DOCK2: variants seen among roughly 807,000 people sequenced by gnomAD.
DOCK2 encodes dedicator of cytokinesis 2, also known as dedicator of cytokinesis protein 2.
In DOCK2, 87 loss-of-function variants were observed where a neutral mutation model predicts 248.9. The ratio of observed to expected loss-of-function variants is 0.35; its 90% CI spans 0.29 to 0.42. DOCK2 has a LOEUF of 0.42. Among genes scored for constraint, DOCK2 ranks in the 10% least tolerant of loss-of-function variants. DOCK2 has a pLI of 1.00. For synonymous variants in DOCK2, 805 were observed against 821.6 expected (o/e 0.98, Z 0.35); for missense variants, 1,747 against 2,300.2 (o/e 0.76, Z 4.92).
rs552599830 is a variant in DOCK2 at position 169,795,415 on chromosome 5, G to A, written c.2555-7643G>A. Among the ~76,000 whole-genome samples, 12 of 152,282 alleles carry A rather than the reference G, an allele frequency of 7.9e-5. 1 individual carries two copies. Among genetic ancestry groups the A allele is most frequent in the South Asian group, 4.2e-4 (2 of 4,818 alleles). On this transcript the variant is annotated intron_variant, in intron 25 of 51. Coordinates refer to ENST00000520908, the MANE Select transcript of DOCK2 (RefSeq NM_004946.3). ...ATAAAGTGGAGACGTAGATGGCGCC[G>A]GAGGCTCGCCAGAGGGCTGCAGGTG...
At chr5:169,883,859 T>C in intron 27 of DOCK2, 2 of 1,529,840 alleles carry the variant, frequency 1.3e-6, no homozygotes, top group Non-Finnish European at 1.8e-6. Context: ...CTGTTACGCT[T>C]TAGAAGCACA....
intron 26 of DOCK2, among the ~76,000 whole-genome samples, chr5:169,834,063 A>G (rs1218834687): frequency 6.7e-6 from 1 of 149,490 alleles, no homozygotes; most frequent in Non-Finnish European, 1.5e-5. Context: ...TAAATGTCCC[A>G]ACCAGATCAC....
chr5:169,990,571 T>G (rs1008195898), intron 29 of DOCK2, among the ~76,000 whole-genome samples: 1 of 152,242 alleles, frequency 6.6e-6, no homozygotes, highest in African/African-American at 2.4e-5. Flanking sequence ...TGGAATATGC[T>G]GATTCATTCG....
At chr5:169,717,675 T>C (rs1761978062) in intron 21 of DOCK2, among the ~76,000 whole-genome samples, 191 bp downstream of exon 21, 1 of 152,210 alleles carries the variant, frequency 6.6e-6, no homozygotes, top group Non-Finnish European at 1.5e-5. Context: ...TAGGTTTGGA[T>C]GAATGCCTTA....
chr5:170,049,786 A>G (rs576382400), intron 40 of DOCK2, among the ~76,000 whole-genome samples: 1 of 152,326 alleles, frequency 6.6e-6, no homozygotes, highest in Admixed American at 6.5e-5. Flanking sequence ...ACTGATCTAT[A>G]AAAGACTAAC....
At chr5:169,734,271 G>C (rs1322303843) in intron 22 of DOCK2, among the ~76,000 whole-genome samples, 11 of 151,666 alleles carry the variant, frequency 7.3e-5, no homozygotes, top group Admixed American at 6.6e-4. Context: ...TTTGTTTCTT[G>C]ATCATATTTT....
At chr5:169,943,372 G>C (rs977767126) in intron 27 of DOCK2, among the ~76,000 whole-genome samples, 1 of 152,066 alleles carries the variant, frequency 6.6e-6, no homozygotes, top group Admixed American at 6.5e-5. Context: ...CTTAGGTCCT[G>C]GACCTGTGGC....
chr5:169,850,378 A>T (rs1420295246), intron 27 of DOCK2, among the ~76,000 whole-genome samples: 1 of 152,150 alleles, frequency 6.6e-6, no homozygotes, highest in African/African-American at 2.4e-5. Context: ...AGCTCACTGT[A>T]TGTGTCTAGG....
chr5:169,707,645 A>T (rs1282009416), intron 14 of DOCK2, among the ~76,000 whole-genome samples: 1 of 151,860 alleles, frequency 6.6e-6, no homozygotes, highest in Non-Finnish European at 1.5e-5. Context: ...CCTCCCCGGA[A>T]CCCCCTCACC....
At chr5:169,849,512 A>G (rs1421572433) in intron 27 of DOCK2, among the ~76,000 whole-genome samples, 1 of 152,250 alleles carries the variant, frequency 6.6e-6, no homozygotes, top group Non-Finnish European at 1.5e-5. Flanking sequence ...AGATCATGGA[A>G]TCTAATGAGA....
chr5:170,045,177 T>C (rs1338135397), intron 38 of DOCK2, among the ~76,000 whole-genome samples: 1 of 152,098 alleles, frequency 6.6e-6, no homozygotes, highest in Non-Finnish European at 1.5e-5. Context: ...AATAATCCCA[T>C]TAAAAAGTGA....
In DOCK2 at chr5:169,674,453, C is replaced by T; in HGVS notation, c.470+8C>T. ...AATTGACTATGGCAACAAGTAACCT[C>T]TCTTTCCTCTGCAAAGAGGTTTTCT... On this transcript the variant is annotated splice_region_variant and intron_variant, in intron 6 of 51. Transcript: ENST00000520908. 1 of 1,613,998 alleles carries T rather than the reference C, an allele frequency of 6.2e-7. No homozygotes were observed. Among genetic ancestry groups the T allele is most frequent in the Non-Finnish European group, 8.5e-7 (1 of 1,179,922 alleles).
intron 27 of DOCK2, among the ~76,000 whole-genome samples, chr5:169,975,098 ATGCCCACACCTGC>A (rs371815851): frequency 4.6e-5 from 7 of 152,212 alleles, no homozygotes; most frequent in Admixed American, 2.0e-4. Flanking sequence ...ACTAAAGTCC[ATGCCCACACCTGC>A]TGAAGGAGGG....
chr5:169,960,130 A>G (rs575887618), intron 27 of DOCK2, among the ~76,000 whole-genome samples: 1 of 152,340 alleles, frequency 6.6e-6, no homozygotes, highest in South Asian at 2.1e-4. Context: ...GATGAAGGCA[A>G]GGTCTACCCT....
intron 42 of DOCK2, 124 bp from the exon 43 acceptor site, chr5:170,056,560 C>A (rs1459691728): frequency 2.8e-6 from 2 of 711,240 alleles, no homozygotes; most frequent in Admixed American, 2.7e-5. Context: ...TTTAAATGCA[C>A]CACAAGGGAC....
intron 26 of DOCK2, among the ~76,000 whole-genome samples, chr5:169,817,186 C>T (rs933156317): frequency 7.2e-5 from 11 of 152,202 alleles, no homozygotes; most frequent in African/African-American, 2.4e-4. Context: ...TCTCACTCAC[C>T]ACCTCTTCTG....
intron 27 of DOCK2, among the ~76,000 whole-genome samples, chr5:169,943,828 G>T (rs778854872): frequency 2.0e-5 from 3 of 152,156 alleles, no homozygotes; most frequent in Non-Finnish European, 4.4e-5. Flanking sequence ...TGACTCTGAC[G>T]CTCATTAAGT....
Position 169,708,274 on chromosome 5 carries a change from A to G in DOCK2, c.1482+7A>G. On this transcript the variant is annotated splice_region_variant and intron_variant, in intron 15 of 51. Transcript: ENST00000520908. ...CTGGATGGAAACAGTCAAGGTAATAATTAATAATAGCAGCAAACACATGTC... is the reference window on the plus strand; with the variant it reads ...CTGGATGGAAACAGTCAAGGTAATAGTTAATAATAGCAGCAAACACATGTC... 2 of 1,612,466 alleles carry G rather than the reference A, an allele frequency of 1.2e-6. No individual in the cohort carries two copies. The highest frequency in any genetic ancestry group is 1.7e-6 in the Non-Finnish European group (2 of 1,179,102).
chr5:169,701,428 C>A (rs1760963048), intron 13 of DOCK2, among the ~76,000 whole-genome samples: 1 of 152,192 alleles, frequency 6.6e-6, no homozygotes, highest in Non-Finnish European at 1.5e-5. Context: ...AGGGCCTGTG[C>A]TGTCATTTAT....
Sources: gnomAD v4.1 joint callset for allele counts (sites outside exome capture counted in the v4.1 genomes callset) on GRCh38, gnomAD v4.1.1 for gene constraint, MANE v1.5 for transcripts, NCBI Gene and HGNC (gene_info 2026-07-23, HGNC 2026-07-21) for gene names.